The following SLC16A14 variants were observed in gnomAD, a reference collection of about 807,000 sequenced individuals.
SLC16A14 encodes the protein solute carrier family 16 member 14.
SLC16A14 carries 14 observed loss-of-function variants against 35.8 expected under a neutral mutation model. The ratio of observed to expected loss-of-function variants is 0.39; its 90% CI spans 0.26 to 0.61. The LOEUF (loss-of-function observed/expected upper bound fraction) is 0.61, where lower values mean the gene tolerates loss of function less well. SLC16A14 is among the 20% of genes least tolerant of loss of function. SLC16A14 has a pLI of 0.51. For synonymous variants in SLC16A14, 248 were observed against 258.9 expected (o/e 0.96, Z 0.40); for missense variants, 533 against 655.0 (o/e 0.81, Z 2.03).
chr2:230,043,566 G>C (rs1197966676), intron 4 of SLC16A14, among the ~76,000 whole-genome samples: 2 of 152,202 alleles, frequency 1.3e-5, no homozygotes, highest in African/African-American at 4.8e-5. Context: ...GGTGCTTGGG[G>C]GTGGCTGGGG....
chr2:230,049,711 A>T (rs2077641620), intron 3 of SLC16A14, 50 bp downstream of exon 3: 3 of 1,589,274 alleles, frequency 1.9e-6, no homozygotes, highest in Non-Finnish European at 2.6e-6. Flanking sequence ...CACTGCCAAG[A>T]TGTCTTATAA....
intron 2 of SLC16A14, among the ~76,000 whole-genome samples, chr2:230,056,667 A>C (rs1041832058): frequency 1.3e-5 from 2 of 152,086 alleles, no homozygotes; most frequent in Non-Finnish European, 2.9e-5. Context: ...CAGGAGTTTG[A>C]GATCAACCTG....
intron 2 of SLC16A14, 198 bp downstream of exon 2, chr2:230,058,896 G>T: frequency 1.5e-6 from 1 of 689,506 alleles, no homozygotes; most frequent in Non-Finnish European, 1.8e-6. Context: ...GCCTCCCAAA[G>T]TGCTGGGATT....
intron 4 of SLC16A14, among the ~76,000 whole-genome samples, chr2:230,041,638 A>G (rs1263605663): frequency 6.6e-6 from 1 of 152,106 alleles, no homozygotes; most frequent in Non-Finnish European, 1.5e-5. Context: ...CCTATATTAC[A>G]TCTTTAAAGG....
intron 3 of SLC16A14, among the ~76,000 whole-genome samples, chr2:230,048,122 T>C (rs2077624412): frequency 1.3e-5 from 2 of 152,250 alleles, no homozygotes; most frequent in Non-Finnish European, 2.9e-5. Flanking sequence ...ACCTATTAGC[T>C]AACATTTACT....
intron 2 of SLC16A14, chr2:230,058,117 T>C (rs544978866): frequency 2.0e-5 from 3 of 152,286 alleles, no homozygotes; most frequent in Non-Finnish European, 2.9e-5. Flanking sequence ...TTTAAAAGTA[T>C]TCATAAATGT....
chr2:230,064,920 G>A (rs952602756), intron 1 of SLC16A14, among the ~76,000 whole-genome samples: 1 of 152,128 alleles, frequency 6.6e-6, no homozygotes, highest in Non-Finnish European at 1.5e-5. Flanking sequence ...TGAAGCAGGA[G>A]AATCTCTTGC....
At chr2:230,055,047 G>T (rs35012331) in intron 2 of SLC16A14, among the ~76,000 whole-genome samples, 63,210 of 152,040 alleles carry the variant, frequency 0.42, 13,844 homozygotes, top group South Asian at 0.51. Flanking sequence ...TGATGTAATG[G>T]CAGGCAGTGT....
At position 230,052,631 on chromosome 2, in the gene SLC16A14, A is replaced by AAG. The variant is rs397817529; in HGVS notation, c.260-2728_260-2727insCT. On this transcript the variant is annotated intron_variant, in intron 2 of 4. Coordinates refer to ENST00000295190, the MANE Select transcript of SLC16A14 (RefSeq NM_152527.5). Reference sequence around the variant, plus strand: ...TAAAAAGGCGTTTGAGAAAAAAAAAAGGGAGAAAATTCCAAACTCAGTGCA... The same window carrying AAG: ...TAAAAAGGCGTTTGAGAAAAAAAAAAAGGGGAGAAAATTCCAAACTCAGTGCA... Among the ~76,000 whole-genome samples the AAG allele has an allele frequency of 3.9e-3, 589 of 151,708 alleles. 2 individuals are homozygous for AAG. The highest frequency in any genetic ancestry group is 0.013 in the African/African-American group (558 of 41,380).
At chr2:230,058,463 C>G (rs771241803) in intron 2 of SLC16A14, 3 of 151,902 alleles carry the variant, frequency 2.0e-5, no homozygotes, top group Non-Finnish European at 2.9e-5. Flanking sequence ...TAGAGACAGA[C>G]AGTAGAGTGG....
rs2077731244 is a variant in SLC16A14, at chr2:230,059,219, A to T, written c.134T>A (p.Ile45Asn). Reference protein sequence around the residue: ...MMVLSSFFVHILIMGSQMALG... With the variant: ...MMVLSSFFVHNLIMGSQMALG... ...GGCCATCTGGGAGCCCATGATGAGG[A>T]TGTGCACAAAGAAAGAGGAGAGCAC... Residue 45 changes from isoleucine (I) to asparagine (N), a missense_variant, in exon 2 of 5, where the codon ATC becomes AAC. Ile to Asn is a moderately radical substitution (Grantham distance 149). Coordinates refer to ENST00000295190, the MANE Select transcript of SLC16A14 (RefSeq NM_152527.5). 1 of 1,614,070 alleles carries T rather than the reference A, an allele frequency of 6.2e-7. No individual in the cohort carries two copies. The highest frequency in any genetic ancestry group is 1.7e-5 in the Admixed American group (1 of 59,998).
At chr2:230,064,964 C>T (rs1164213650) in intron 1 of SLC16A14, among the ~76,000 whole-genome samples, 1 of 152,114 alleles carries the variant, frequency 6.6e-6, no homozygotes. Flanking sequence ...GAGCCGAGAT[C>T]GCACCATTGC....
chr2:230,052,387 T>C (rs2077668660), intron 2 of SLC16A14, among the ~76,000 whole-genome samples: 1 of 152,252 alleles, frequency 6.6e-6, no homozygotes, highest in Non-Finnish European at 1.5e-5. Context: ...CTGATTTCTT[T>C]ACACATTTTT....
chr2:230,068,487 T>C lies in SLC16A14; in HGVS notation c.-15+68A>G, dbSNP rs1040069107. 6.6e-6 allele frequency: 1 copy of C among 152,592 alleles called. No individual in the cohort carries two copies. Among genetic ancestry groups the C allele is most frequent in the Admixed American group, 6.5e-5 (1 of 15,280 alleles). The allele number at this position is 152,592 out of a possible 1,614,324, so 9.5% of individuals were successfully genotyped here. A position where few individuals can be genotyped will look rare whatever the true frequency, so the allele number is the denominator to read the frequency against. On this transcript the variant is annotated intron_variant, in intron 1 of 4. Coordinates refer to ENST00000295190, the MANE Select transcript of SLC16A14 (RefSeq NM_152527.5). This position sits in a 1 kb window ranked among gnomAD's most constrained non-coding sequence, Gnocchi z 5.1. ...GGGGGTGCAGCGGCCATCTGAAACC[T>C]AGGCTCCGATGCCCCCGGCGTCGCT...
rs777349576 is a variant in SLC16A14, at chr2:230,046,637, G to C, written c.489C>G (p.Leu163=). The C allele has an allele frequency of 5.6e-6, 9 of 1,610,452 alleles. No individual in the cohort carries two copies. Among genetic ancestry groups the C allele is most frequent in the African/African-American group, 1.3e-5 (1 of 74,934 alleles). ...TACCGAATCCGGTCCCCGTGGTGCTGAGGCCCTGGGCGAGGGCGCGTCTCT... is the reference window on the plus strand; with the variant it reads ...TACCGAATCCGGTCCCCGTGGTGCTCAGGCCCTGGGCGAGGGCGCGTCTCT... ...FQKRRALAQG[L]STTGTGFGTF... Residue 163 remains leucine (L), a synonymous_variant, in exon 4 of 5, where the codon CTC becomes CTG. Coordinates refer to ENST00000295190, the MANE Select transcript of SLC16A14 (RefSeq NM_152527.5). This position sits in a 1 kb window ranked among gnomAD's most constrained non-coding sequence, Gnocchi z 5.0.
rs191525443 is a variant in SLC16A14, at chr2:230,043,884, C to T, written c.1381+1861G>A. Among the ~76,000 whole-genome samples, 220 of 152,336 alleles carry T rather than the reference C, an allele frequency of 1.4e-3. 1 individual carries two copies. The highest frequency in any genetic ancestry group is 3.4e-3 in the Middle Eastern group (1 of 294). The stretch of plus-strand genomic sequence containing the variant: ...CCCAGACACAAGATTCCTTGGTACT[C>T]ACGGCTTCTGCTATGCCTGAATACC... On this transcript the variant is annotated intron_variant, in intron 4 of 4. Coordinates refer to ENST00000295190, the MANE Select transcript of SLC16A14 (RefSeq NM_152527.5).
At chr2:230,044,637 C>A in intron 4 of SLC16A14, among the ~76,000 whole-genome samples, 1 of 151,974 alleles carries the variant, frequency 6.6e-6, no homozygotes, top group Non-Finnish European at 1.5e-5. Context: ...AACAAATTCC[C>A]CCCTAAAGCC....
intron 2 of SLC16A14, among the ~76,000 whole-genome samples, chr2:230,053,006 A>T (rs1023890734): frequency 1.3e-5 from 2 of 151,200 alleles, no homozygotes; most frequent in African/African-American, 4.9e-5. Flanking sequence ...CAGTGGTGCC[A>T]TCTCGGCTCA....
rs1223039016 is a variant in SLC16A14, at chr2:230,046,900, A to T, written c.404-178T>A. Among the ~76,000 whole-genome samples, 6 of 152,216 alleles carry T rather than the reference A, an allele frequency of 3.9e-5. No homozygotes were observed. Among genetic ancestry groups the T allele is most frequent in the Admixed American group, 3.3e-4 (5 of 15,280 alleles). On this transcript the variant is annotated intron_variant, in intron 3 of 4. Transcript: ENST00000295190. This position sits in a 1 kb window ranked among gnomAD's most constrained non-coding sequence, Gnocchi z 5.0. ...GCTCCCAGGGATAAGCAGCAGAAAG[A>T]CCATCCACCCAAGCAGGTTTCTAGC...
Sources: gnomAD v4.1 joint callset for allele counts (sites outside exome capture counted in the v4.1 genomes callset) on GRCh38, gnomAD v4.1.1 for gene constraint, Gnocchi (gnomAD v3.1) non-coding constraint, MANE v1.5 for transcripts, NCBI Gene and HGNC (gene_info 2026-07-23, HGNC 2026-07-21) for gene names.